Variants in HS3ST4 observed in about 807,000 individuals in gnomAD.
HS3ST4 encodes the protein heparan sulfate glucosamine 3-O-sulfotransferase 4.
A neutral mutation model predicts 29.2 loss-of-function variants in HS3ST4; 17 were observed. That is an observed-to-expected ratio of 0.58 (90% confidence interval 0.40 to 0.87). The LOEUF (loss-of-function observed/expected upper bound fraction) is 0.87. Ranked by LOEUF, HS3ST4 falls within the 40% of genes least tolerant of loss-of-function variation. HS3ST4 has a pLI of 0.00. For synonymous variants in HS3ST4, 314 were observed against 285.7 expected (o/e 1.10, Z -1.00); for missense variants, 627 against 634.5 (o/e 0.99, Z 0.13).
intron 1 of HS3ST4, among the ~76,000 whole-genome samples, chr16:26,044,862 C>G (rs73516304): frequency 6.6e-6 from 1 of 152,014 alleles, no homozygotes; most frequent in Non-Finnish European, 1.5e-5. Context: ...AAGCTGGGAC[C>G]GAGAGCTTTA....
chr16:25,820,038 A>C (rs9922911), intron 1 of HS3ST4, among the ~76,000 whole-genome samples: 27,721 of 121,890 alleles, frequency 0.23, 1,850 homozygotes, highest in South Asian at 0.39. Flanking sequence ...AAAAAAAAAA[A>C]AAAAAAAAAA....
chr16:25,966,661 G>A (rs1041141554), intron 1 of HS3ST4, among the ~76,000 whole-genome samples: 2 of 151,354 alleles, frequency 1.3e-5, no homozygotes, highest in African/African-American at 2.4e-5. Context: ...TTGAGTGGTG[G>A]TGAGAATTAT....
chr16:26,007,914 C>CT (rs370947868), intron 1 of HS3ST4, among the ~76,000 whole-genome samples: 18,216 of 144,818 alleles, frequency 0.13, 1,107 homozygotes, highest in Middle Eastern at 0.17. Context: ...CACATGGCCA[C>CT]TTTTTTTTTT....
intron 1 of HS3ST4, among the ~76,000 whole-genome samples, chr16:25,830,795 A>G (rs1414640018): frequency 2.0e-5 from 3 of 151,732 alleles, no homozygotes; most frequent in African/African-American, 7.3e-5. Flanking sequence ...CACTGTTCCA[A>G]CCCACCTCTA....
At chr16:26,029,841 G>A (rs910190988) in intron 1 of HS3ST4, among the ~76,000 whole-genome samples, 3 of 152,276 alleles carry the variant, frequency 2.0e-5, no homozygotes, top group East Asian at 1.9e-4. Flanking sequence ...ATTTCCACAC[G>A]CAGTGTCAAA....
chr16:25,861,020 C>G (rs1967631167), intron 1 of HS3ST4, among the ~76,000 whole-genome samples: 1 of 152,114 alleles, frequency 6.6e-6, no homozygotes, highest in African/African-American at 2.4e-5. Context: ...TGCTGTGAAC[C>G]TAAAACTCCT....
At chr16:26,027,554 A>G (rs939963994) in intron 1 of HS3ST4, among the ~76,000 whole-genome samples, 1 of 152,206 alleles carries the variant, frequency 6.6e-6, no homozygotes, top group African/African-American at 2.4e-5. Flanking sequence ...AAATTATGGT[A>G]TGGATCTGGC....
intron 1 of HS3ST4, among the ~76,000 whole-genome samples, chr16:25,987,207 A>G (rs8058031): frequency 0.12 from 18,315 of 152,150 alleles, 1,221 homozygotes; most frequent in South Asian, 0.16. Flanking sequence ...AAAATTAGCC[A>G]GGTGTGGTGG....
intron 1 of HS3ST4, among the ~76,000 whole-genome samples, chr16:25,923,791 A>C (rs1481888932): frequency 6.6e-6 from 1 of 152,106 alleles, no homozygotes; most frequent in Non-Finnish European, 1.5e-5. Context: ...CCAGTAAGTC[A>C]ATATTTACTG....
intron 1 of HS3ST4, among the ~76,000 whole-genome samples, chr16:26,127,014 G>C (rs1899352931): frequency 6.6e-6 from 1 of 152,140 alleles, no homozygotes; most frequent in Non-Finnish European, 1.5e-5. Context: ...GGCAATGGGA[G>C]TGTGTGATGG....
At chr16:25,828,196 TCTTTCTTTC>T (rs1383354683) in intron 1 of HS3ST4, among the ~76,000 whole-genome samples, 2 of 149,230 alleles carry the variant, frequency 1.3e-5, no homozygotes, top group Non-Finnish European at 3.0e-5. Context: ...TTCTTTCTTT[TCTTTCTTTC>T]TTGCTTGCTT....
chr16:26,054,269 G>GGAGAGAGAGAGCGAGAGAGAGAGAGA (rs1898379933), intron 1 of HS3ST4, among the ~76,000 whole-genome samples: 1 of 133,646 alleles, frequency 7.5e-6, no homozygotes, highest in African/African-American at 2.9e-5. Context: ...ACAGAGAGAG[G>GGAGAGAGAGAGCGAGAGAGAGAGAGA]GAGAGAGAGA....
chr16:26,084,187 C>T (rs1898757814), intron 1 of HS3ST4, among the ~76,000 whole-genome samples: 1 of 152,164 alleles, frequency 6.6e-6, no homozygotes, highest in African/African-American at 2.4e-5. Flanking sequence ...CATTTCCATC[C>T]TTCAGATGTC....
intron 1 of HS3ST4, among the ~76,000 whole-genome samples, chr16:25,999,208 A>T (rs1219589226): frequency 1.3e-5 from 2 of 152,142 alleles, no homozygotes; most frequent in Non-Finnish European, 2.9e-5. Flanking sequence ...CAGGTTGTAC[A>T]CTAATTCTAA....
At chr16:25,829,241 A>G (rs1402580663) in intron 1 of HS3ST4, among the ~76,000 whole-genome samples, 1 of 152,210 alleles carries the variant, frequency 6.6e-6, no homozygotes, top group Non-Finnish European at 1.5e-5. Flanking sequence ...TACTGTATGA[A>G]GGAGCAGAGG....
At chr16:26,013,698 C>T (rs1969334982) in intron 1 of HS3ST4, among the ~76,000 whole-genome samples, 1 of 152,156 alleles carries the variant, frequency 6.6e-6, no homozygotes. Flanking sequence ...GAGATGTTCT[C>T]AAACTACACT....
At chr16:26,118,690 G>T (rs1389336452) in intron 1 of HS3ST4, among the ~76,000 whole-genome samples, 1 of 152,188 alleles carries the variant, frequency 6.6e-6, no homozygotes, top group African/African-American at 2.4e-5. Flanking sequence ...TGACAAGGAG[G>T]AGCCAGCTGT....
chr16:25,693,248 C>T (rs1256163209), intron 1 of HS3ST4, 97 bp downstream of exon 1: 1 of 1,315,262 alleles, frequency 7.6e-7, no homozygotes. Flanking sequence ...CAGGCACCGT[C>T]CCGAGAGGCC....
intron 1 of HS3ST4, among the ~76,000 whole-genome samples, chr16:25,727,006 A>G (rs1385367801): frequency 9.2e-5 from 14 of 152,164 alleles, no homozygotes; most frequent in Non-Finnish European, 1.9e-4. Flanking sequence ...AATTGTCAGG[A>G]CAGGCCTCAC....
Sources: allele counts gnomAD v4.1 joint callset (sites outside exome capture counted in the v4.1 genomes callset), GRCh38; gene constraint gnomAD v4.1.1; transcripts MANE v1.5; gene names NCBI Gene and HGNC (gene_info 2026-07-23, HGNC 2026-07-21).